The following AGBL4 variants were observed in gnomAD, a reference collection of about 807,000 sequenced individuals.
The protein encoded by AGBL4 is cytosolic carboxypeptidase 6.
A neutral mutation model predicts 66.4 loss-of-function variants in AGBL4; 58 were observed. The ratio of observed to expected loss-of-function variants is 0.87; its 90% confidence interval spans 0.71 to 1.09. The LOEUF (loss-of-function observed/expected upper bound fraction) is 1.09. AGBL4 is among the 50% of genes least tolerant of loss of function. AGBL4 has a pLI of 0.00. For synonymous variants in AGBL4, 234 were observed against 222.9 expected (o/e 1.05, Z -0.44); for missense variants, 579 against 631.0 (o/e 0.92, Z 0.88).
intron 3 of AGBL4, among the ~76,000 whole-genome samples, chr1:49,280,428 A>G (rs575647052): frequency 1.2e-3 from 178 of 152,288 alleles, no homozygotes; most frequent in Admixed American, 3.3e-3. Context: ...TCACTGCCTA[A>G]GGAGGGCAGT....
At chr1:49,144,235 T>TG (rs1646172468) in intron 4 of AGBL4, among the ~76,000 whole-genome samples, 2 of 152,196 alleles carry the variant, frequency 1.3e-5, no homozygotes, top group Admixed American at 6.6e-5. Flanking sequence ...TGGCTATCAG[T>TG]GGTCGCCAGG....
chr1:48,661,114 A>G (rs77067614), intron 7 of AGBL4, among the ~76,000 whole-genome samples: 1 of 41,898 alleles, frequency 2.4e-5, no homozygotes, highest in Non-Finnish European at 8.3e-5. Flanking sequence ...TCGTGGTATA[A>G]AGAGGGAAAA....
intron 3 of AGBL4, among the ~76,000 whole-genome samples, chr1:49,530,276 A>AAAAAAAAAAAAAAAAAAAT (rs1651017368): frequency 6.8e-6 from 1 of 147,246 alleles, no homozygotes; most frequent in Non-Finnish European, 1.5e-5. Context: ...AAAAAAACAA[A>AAAAAAAAAAAAAAAAAAAT]AAAAAACTCT....
downstream of AGBL4, among the ~76,000 whole-genome samples, chr1:48,531,427 C>T (rs1030276335): frequency 1.3e-5 from 2 of 152,134 alleles, no homozygotes; most frequent in Non-Finnish European, 2.9e-5. Context: ...AACCCAGCAT[C>T]CCCCTAGAGA....
intron 3 of AGBL4, among the ~76,000 whole-genome samples, chr1:49,383,070 T>G (rs986677883): frequency 6.6e-6 from 1 of 152,104 alleles, no homozygotes; most frequent in South Asian, 2.1e-4. Flanking sequence ...ATAATAAAAC[T>G]CTTATGAATG....
chr1:48,896,638 T>C (rs1651535994), intron 5 of AGBL4, among the ~76,000 whole-genome samples: 1 of 148,696 alleles, frequency 6.7e-6, no homozygotes, highest in African/African-American at 2.5e-5. Flanking sequence ...GGCTTTTGGC[T>C]CATGGAGGCA....
chr1:48,804,540 C>A (rs11205543), intron 6 of AGBL4, among the ~76,000 whole-genome samples: 17 of 151,684 alleles, frequency 1.1e-4, no homozygotes, highest in South Asian at 2.1e-4. Context: ...CTCTCTCCCC[C>A]AACACTGACC....
At chr1:49,535,838 C>T (rs1048864549) in intron 3 of AGBL4, among the ~76,000 whole-genome samples, 10 of 151,992 alleles carry the variant, frequency 6.6e-5, no homozygotes, top group Non-Finnish European at 1.3e-4. Context: ...ACTACAGGTG[C>T]CTGCCACCAC....
At chr1:48,989,623 C>G (rs907922204) in intron 5 of AGBL4, among the ~76,000 whole-genome samples, 3 of 152,106 alleles carry the variant, frequency 2.0e-5, no homozygotes, top group African/African-American at 4.8e-5. Flanking sequence ...TGAGAACAAA[C>G]AAAGTTTGTC....
intron 3 of AGBL4, among the ~76,000 whole-genome samples, chr1:49,414,164 T>G (rs544164333): frequency 7.4e-4 from 113 of 152,288 alleles, no homozygotes; most frequent in African/African-American, 2.6e-3. Flanking sequence ...TACATACGTA[T>G]ATATTTATAA....
intron 3 of AGBL4, among the ~76,000 whole-genome samples, chr1:49,445,834 ATATTTATTTTATTT>A (rs1646142317): frequency 6.6e-6 from 1 of 151,888 alleles, no homozygotes; most frequent in Admixed American, 6.6e-5. Flanking sequence ...TTTAAAATCC[ATATTTATTTTATTT>A]TATTTATTTA....
At chr1:49,038,788 T>C (rs1664868384) in intron 5 of AGBL4, among the ~76,000 whole-genome samples, 1 of 152,094 alleles carries the variant, frequency 6.6e-6, no homozygotes, top group Non-Finnish European at 1.5e-5. Flanking sequence ...GAAGACAGTT[T>C]GGTGATTTCT....
intron 1 of AGBL4, among the ~76,000 whole-genome samples, chr1:49,884,828 T>A (rs1381607702): frequency 6.6e-6 from 1 of 151,836 alleles, no homozygotes; most frequent in African/African-American, 2.4e-5. Flanking sequence ...ATGAACATAT[T>A]TTGGGGCAGA....
chr1:49,497,036 G>T (rs1208429873), intron 3 of AGBL4, among the ~76,000 whole-genome samples: 1 of 151,768 alleles, frequency 6.6e-6, no homozygotes, highest in Non-Finnish European at 1.5e-5. Flanking sequence ...GCCACCACCT[G>T]TCATCTTTTG....
intron 4 of AGBL4, among the ~76,000 whole-genome samples, chr1:49,214,055 C>T (rs551008420): frequency 7.2e-5 from 11 of 152,154 alleles, no homozygotes; most frequent in African/African-American, 2.4e-4. Flanking sequence ...TTTTCTTGGA[C>T]GCACAGTAAT....
intron 5 of AGBL4, among the ~76,000 whole-genome samples, chr1:49,003,642 G>C (rs1661561129): frequency 1.3e-5 from 2 of 151,986 alleles, no homozygotes; most frequent in South Asian, 4.2e-4. Context: ...TTCACAGCAT[G>C]GCTCTTCTTA....
chr1:49,545,481 G>A (rs890602133), intron 3 of AGBL4, among the ~76,000 whole-genome samples: 1 of 152,152 alleles, frequency 6.6e-6, no homozygotes, highest in African/African-American at 2.4e-5. Context: ...GATATACTTG[G>A]ATTCTTGACT....
chr1:49,138,476 A>G (rs1646056171), intron 4 of AGBL4, among the ~76,000 whole-genome samples: 1 of 152,048 alleles, frequency 6.6e-6, no homozygotes, highest in South Asian at 2.1e-4. Flanking sequence ...TTTGATGCCA[A>G]TTTGTTCCTT....
chr1:49,682,771 C>T (rs1221588446), intron 3 of AGBL4, among the ~76,000 whole-genome samples: 1 of 152,190 alleles, frequency 6.6e-6, no homozygotes, highest in African/African-American at 2.4e-5. Context: ...AGGGTTTCTG[C>T]ATTTTCATTT....
Sources: gnomAD v4.1 joint callset for allele counts (sites outside exome capture counted in the v4.1 genomes callset) on GRCh38, gnomAD v4.1.1 for gene constraint, MANE v1.5 for transcripts, NCBI Gene and HGNC (gene_info 2026-07-23, HGNC 2026-07-21) for gene names.